Variants in TRPV4 observed in about 807,000 individuals in gnomAD.
The protein encoded by TRPV4 is transient receptor potential cation channel subfamily V member 4.
A neutral mutation model predicts 84.1 loss-of-function variants in TRPV4; 58 were observed. The ratio of observed to expected loss-of-function variants is 0.69; its 90% CI spans 0.56 to 0.86. The LOEUF is 0.86. TRPV4 is among the 40% of genes least tolerant of loss of function. TRPV4 has a pLI of 0.00. For synonymous variants in TRPV4, 489 were observed against 500.9 expected, an observed-to-expected ratio of 0.98 and a Z score of 0.32; for missense variants, 879 against 1,181.1, an observed-to-expected ratio of 0.74 and a Z score of 3.75.
In TRPV4 at chr12:109,803,134, G is replaced by C. The variant is rs1031096826; in HGVS notation, c.569C>G (p.Thr190Arg). The C allele has an allele frequency of 6.2e-7, 1 of 1,613,982 alleles. No individual in the cohort carries two copies. The highest frequency in any genetic ancestry group is 2.2e-5 in the East Asian group (1 of 44,886). Reference protein sequence around the residue: ...LTDEEFREPSTGKTCLPKALL... With the variant: ...LTDEEFREPSRGKTCLPKALL... Reference sequence around the variant, plus strand: ...GGCCTTGGGCAGGCAGGTCTTCCCCGTAGATGGCTCTAGCAAGAGAGACAC... The same window carrying C: ...GGCCTTGGGCAGGCAGGTCTTCCCCCTAGATGGCTCTAGCAAGAGAGACAC... Residue 190 changes from threonine to arginine, a missense_variant, in exon 4 of 16, where the codon ACG becomes AGG. Physicochemically the swap from Thr to Arg is moderately conservative, Grantham distance 71 (BLOSUM62 -1). This residue lies in a region of TRPV4 where 521 missense variants were observed against 686.6 expected (regional missense o/e 0.76). Transcript: ENST00000261740.
rs1890567649 is a variant in TRPV4 at position 109,798,625 on chromosome 12, C to T, written c.1141G>A (p.Gly381Ser). The change falls in exon 6 of 16, where the codon GGC becomes AGC. Residue 381 changes from glycine to serine, a missense_variant. By Grantham distance (56) the Gly-to-Ser change is moderately conservative (BLOSUM62 0). Coordinates refer to ENST00000261740, the MANE Select transcript of TRPV4 (RefSeq NM_021625.5). The surrounding 1 kb of genome is among the most constrained non-coding windows in gnomAD (Gnocchi z 5.0). ...AGCCGCACACTCACCCCAATCTTGC[C>T]CGTCTTGGCAGCCATCATGAGGGGC... ...LSPLMMAAKT[G>S]KIGIFQHIIR... 6.2e-7 allele frequency: 1 copy of T among 1,611,930 alleles called. No homozygotes were observed. The highest frequency in any genetic ancestry group is 8.5e-7 in the Non-Finnish European group (1 of 1,180,016).
chr12:109,823,457 C>T (rs981280179), intron 1 of TRPV4, among the ~76,000 whole-genome samples: 3 of 152,238 alleles, frequency 2.0e-5, no homozygotes, highest in Non-Finnish European at 4.4e-5. Flanking sequence ...TCTGAGCTTT[C>T]ACAGGGACCA....
Position 109,788,609 on chromosome 12 carries a change from T to C in TRPV4, c.1999A>G (p.Ser667Gly), listed in dbSNP as rs1216148986. The change falls in exon 13 of 16, where the codon AGC becomes GGC. Residue 667 changes from serine (S) to glycine (G), a missense_variant. Physicochemically the swap from Ser to Gly is moderately conservative, Grantham distance 56. This residue lies in a region of TRPV4 where 242 missense variants were observed against 355.3 expected (regional missense o/e 0.68). Coordinates refer to ENST00000261740, the MANE Select transcript of TRPV4 (RefSeq NM_021625.5). ...TTAAACAGGTCCAGGAGGAAGGTGCTGAAGGTCTCGCTGTCACGGCACGAG... is the reference window on the plus strand; with the variant it reads ...TTAAACAGGTCCAGGAGGAAGGTGCCGAAGGTCTCGCTGTCACGGCACGAG... ...YPSCRDSETF[S>G]TFLLDLFKLT... 1.9e-6 allele frequency: 3 copies of C among 1,614,138 alleles called. No homozygotes were observed. Among genetic ancestry groups the C allele is most frequent in the South Asian group, 2.2e-5 (2 of 91,090 alleles).
Position 109,798,530 on chromosome 12 carries a change from A to G in TRPV4, c.1152+84T>C, listed in dbSNP as rs971002287. ...TGGGAGGTGCATGCACGTATTAATA[A>G]TGAATACCAGCAGCAGACCCTCGTG... is the stretch of plus-strand genomic sequence containing the variant. On this transcript the variant is annotated intron_variant, in intron 6 of 15. Coordinates refer to ENST00000261740, the MANE Select transcript of TRPV4 (RefSeq NM_021625.5). The surrounding 1 kb of genome is among the most constrained non-coding windows in gnomAD (Gnocchi z 5.0). 3.9e-6 allele frequency: 6 copies of G among 1,552,566 alleles called. No homozygotes were observed. Among genetic ancestry groups the G allele is most frequent in the Non-Finnish European group, 5.2e-6 (6 of 1,143,160 alleles).
intron 4 of TRPV4, among the ~76,000 whole-genome samples, chr12:109,801,830 A>C (rs1193993954): frequency 2.0e-5 from 3 of 151,970 alleles, no homozygotes; most frequent in Non-Finnish European, 4.4e-5. Context: ...ACCTTGTCTC[A>C]AAAAAAAGAA....
intron 1 of TRPV4, among the ~76,000 whole-genome samples, chr12:109,823,118 C>A (rs1391545099): frequency 6.6e-6 from 1 of 152,214 alleles, no homozygotes; most frequent in African/African-American, 2.4e-5. Context: ...CAGGCTACCC[C>A]ACGGCTCCCA....
chr12:109,818,814 A>G (rs1891972023), intron 1 of TRPV4, among the ~76,000 whole-genome samples: 1 of 152,138 alleles, frequency 6.6e-6, no homozygotes, highest in African/African-American at 2.4e-5. Flanking sequence ...ACACATGCAC[A>G]CACGTGCCAG....
intron 1 of TRPV4, among the ~76,000 whole-genome samples, chr12:109,819,092 C>T (rs1004068680): frequency 1.3e-5 from 2 of 152,190 alleles, no homozygotes; most frequent in South Asian, 2.1e-4. Context: ...TACACACACA[C>T]ACACACACCC....
Position 109,796,059 on chromosome 12 carries a change from G to A in TRPV4, c.1332+466C>T, listed in dbSNP as rs894451660. Among the ~76,000 whole-genome samples, 8 of 151,016 alleles carry A rather than the reference G, an allele frequency of 5.3e-5. No individual in the cohort carries two copies. Among genetic ancestry groups the A allele is most frequent in the Non-Finnish European group, 1.5e-5 (1 of 67,720 alleles). ...CAGGCATAAGCCACCATGCCTGACC[G>A]AAAAAAAAGAGCTTTCAAAAGTTCA... On this transcript the variant is annotated intron_variant, in intron 7 of 15. Transcript: ENST00000261740. The surrounding 1 kb of genome is among the most constrained non-coding windows in gnomAD (Gnocchi z 4.2).
intron 15 of TRPV4, 90 bp downstream of exon 15, chr12:109,784,226 A>G (rs769211738): frequency 2.0e-5 from 32 of 1,585,594 alleles, no homozygotes; most frequent in Non-Finnish European, 2.8e-5. Flanking sequence ...AGACACGGAC[A>G]CTGAGTCCCG....
At chr12:109,824,217 G>A (rs982538922) in intron 1 of TRPV4, among the ~76,000 whole-genome samples, 1 of 151,846 alleles carries the variant, frequency 6.6e-6, no homozygotes, top group African/African-American at 2.4e-5. Flanking sequence ...CGACCGCCTC[G>A]GCCTCTCAAA....
In TRPV4 at chr12:109,793,790, A is replaced by G. The variant is rs527681432; in HGVS notation, c.1584+140T>C. 50 of 841,248 alleles carry G rather than the reference A, an allele frequency of 5.9e-5. No homozygotes were observed. Among genetic ancestry groups the G allele is most frequent in the Admixed American group, 4.9e-4 (24 of 49,120 alleles). The allele number at this position is 841,248 out of a possible 1,614,324, so 52.1% of individuals were successfully genotyped here. A position where few individuals can be genotyped will look rare whatever the true frequency, so the allele number is the denominator to read the frequency against. ...AACGTGGGATTGGAGGAGGTAGAAG[A>G]GAAATGGGAAAATAAAAGGAGGAAG... On this transcript the variant is annotated intron_variant, in intron 9 of 15. Coordinates refer to ENST00000261740, the MANE Select transcript of TRPV4 (RefSeq NM_021625.5). This position sits in a 1 kb window ranked among gnomAD's most constrained non-coding sequence, Gnocchi z 4.0.
rs1019564643 is a variant in TRPV4, at chr12:109,800,822, G to T, written c.713-64C>A. ...CAGAGACCTAGCCAGGCTTGCTGGG[G>T]GTGGGGGTAGGGTGCAGGACGTAGA... On this transcript the variant is annotated intron_variant, in intron 4 of 15. Coordinates refer to ENST00000261740, the MANE Select transcript of TRPV4 (RefSeq NM_021625.5). 1.9e-5 allele frequency: 29 copies of T among 1,562,400 alleles called. 1 individual carries two copies. The African/African-American group carries it at 3.8e-4, about 20-fold the overall frequency.
chr12:109,819,013 C>G (rs899873088), intron 1 of TRPV4, among the ~76,000 whole-genome samples: 12 of 152,138 alleles, frequency 7.9e-5, no homozygotes, highest in Non-Finnish European at 2.9e-5. Flanking sequence ...GCCCTGGGCT[C>G]CTTCCACATC....
intron 5 of TRPV4, among the ~76,000 whole-genome samples, chr12:109,799,345 C>T (rs965674279): frequency 1.1e-4 from 16 of 152,066 alleles, no homozygotes; most frequent in Admixed American, 6.5e-4. Flanking sequence ...GGCAGGATTT[C>T]GCCATGTTGG....
At chr12:109,806,124 G>T (rs145804500) in intron 3 of TRPV4, among the ~76,000 whole-genome samples, 1 of 152,188 alleles carries the variant, frequency 6.6e-6, no homozygotes, top group Non-Finnish European at 1.5e-5. Context: ...CTCTAAACTT[G>T]TGCCTCCAAA....
intron 1 of TRPV4, among the ~76,000 whole-genome samples, chr12:109,828,689 C>T (rs928317119): frequency 5.9e-5 from 9 of 152,198 alleles, no homozygotes; most frequent in South Asian, 4.1e-4. Context: ...TAGCTTTCCA[C>T]GCAAGAAGCT....
chr12:109,790,690 T>C (rs1362270099), intron 12 of TRPV4, among the ~76,000 whole-genome samples: 2 of 151,210 alleles, frequency 1.3e-5, no homozygotes, highest in Middle Eastern at 3.2e-3. Flanking sequence ...AAGACCAGCC[T>C]GGGCAACATA....
At position 109,800,781 on chromosome 12, in the gene TRPV4, C is replaced by G. The variant is rs1890732503; in HGVS notation, c.713-23G>C. The G allele has an allele frequency of 3.1e-6, 5 of 1,607,144 alleles. No individual in the cohort carries two copies. The African/African-American group carries it at 5.5e-5, about 18-fold the overall frequency. On this transcript the variant is annotated intron_variant, in intron 4 of 15. Coordinates refer to ENST00000261740, the MANE Select transcript of TRPV4 (RefSeq NM_021625.5). ...GACCTGGGGGCAGGGGACGGTCATC[C>G]AGGGTCCTGGCGGAGCAGAGACCTA...
Sources: gnomAD v4.1 joint callset for allele counts (sites outside exome capture counted in the v4.1 genomes callset) on GRCh38, gnomAD v4.1.1 for gene constraint, gnomAD v4.1.1 regional missense constraint, Gnocchi (gnomAD v3.1) non-coding constraint, MANE v1.5 for transcripts, NCBI Gene and HGNC (gene_info 2026-07-23, HGNC 2026-07-21) for gene names.